The following TMC2 variants were observed in gnomAD, a reference collection of about 807,000 sequenced individuals.
The protein encoded by TMC2 is transmembrane channel-like protein 2.
In TMC2, 102 loss-of-function variants were observed where a neutral mutation model predicts 105.9. That is an observed-to-expected ratio of 0.96 (90% CI 0.82 to 1.14). TMC2 has a LOEUF of 1.14. Ranked by LOEUF, TMC2 falls within the 50% of genes most tolerant of loss-of-function variation. The pLI is 0.00. For missense variants in TMC2, 1,093 were observed against 1,134.3 expected, an observed-to-expected ratio of 0.96 and a Z score of 0.52; for synonymous variants, 402 against 422.8, an observed-to-expected ratio of 0.95 and a Z score of 0.60.
chr20:2,573,257 C>T (rs970619878), intron 5 of TMC2, among the ~76,000 whole-genome samples: 1 of 152,038 alleles, frequency 6.6e-6, no homozygotes, highest in Admixed American at 6.5e-5. Flanking sequence ...TCTTTTAATC[C>T]TGTATTTAAT....
intron 7 of TMC2, among the ~76,000 whole-genome samples, chr20:2,588,892 T>G (rs906133558): frequency 6.6e-6 from 1 of 152,228 alleles, no homozygotes; most frequent in African/African-American, 2.4e-5. Flanking sequence ...ATTGAGCTTT[T>G]AATTTCGATG....
intron 5 of TMC2, among the ~76,000 whole-genome samples, chr20:2,573,615 C>A (rs1158598722): frequency 5.1e-5 from 7 of 137,346 alleles, no homozygotes; most frequent in Admixed American, 1.6e-4. Context: ...AGCTGGAATG[C>A]GGTGGCGCGA....
intron 18 of TMC2, among the ~76,000 whole-genome samples, chr20:2,636,490 A>ACACACC (rs1555778112): frequency 6.6e-6 from 1 of 151,076 alleles, no homozygotes; most frequent in Admixed American, 6.6e-5. Context: ...ACACACACAC[A>ACACACC]CACGCACACA....
chr20:2,549,872 G>A (rs964285897), intron 2 of TMC2, among the ~76,000 whole-genome samples: 1 of 152,016 alleles, frequency 6.6e-6, no homozygotes, highest in African/African-American at 2.4e-5. Flanking sequence ...TAGGATTGGA[G>A]AAAAATTTTG....
At chr20:2,613,171 C>A (rs1286136375) in intron 13 of TMC2, 23 bp from the exon 14 acceptor site, 1 of 1,605,606 alleles carries the variant, frequency 6.2e-7, no homozygotes, top group Admixed American at 1.7e-5. Flanking sequence ...CCAACCACCC[C>A]CTCTTCCTGT....
chr20:2,576,900 G>GTTTTTTTTTT (rs796520290), intron 5 of TMC2, among the ~76,000 whole-genome samples: 1 of 118,682 alleles, frequency 8.4e-6, no homozygotes, highest in African/African-American at 3.7e-5. Flanking sequence ...TTTCTTCTTG[G>GTTTTTTTTTT]TTTTTTTTTT....
intron 8 of TMC2, among the ~76,000 whole-genome samples, chr20:2,594,109 G>GTGCTGCCCACAGCAAGTCAT (rs2146212293): frequency 6.6e-6 from 1 of 152,156 alleles, no homozygotes; most frequent in Non-Finnish European, 1.5e-5. Context: ...CATGGCTGTA[G>GTGCTGCCCACAGCAAGTCAT]TGCTGCCCAC....
At chr20:2,575,958 T>A (rs1363324844) in intron 5 of TMC2, among the ~76,000 whole-genome samples, 1 of 152,228 alleles carries the variant, frequency 6.6e-6, no homozygotes, top group South Asian at 2.1e-4. Flanking sequence ...TTAGAAGCCA[T>A]ATTTATTGCA....
At chr20:2,538,797 A>G (rs1407140702) in intron 2 of TMC2, among the ~76,000 whole-genome samples, 1 of 152,180 alleles carries the variant, frequency 6.6e-6, no homozygotes, top group Non-Finnish European at 1.5e-5. Context: ...AGTAAAGTTA[A>G]ACATTGGGAA....
intron 2 of TMC2, among the ~76,000 whole-genome samples, chr20:2,540,384 G>A (rs2085881584): frequency 6.6e-6 from 1 of 151,982 alleles, no homozygotes; most frequent in Middle Eastern, 3.2e-3. Context: ...GACATGGCCG[G>A]GCACAGTGGC....
At chr20:2,606,913 A>G (rs1175565520) in intron 11 of TMC2, among the ~76,000 whole-genome samples, 2 of 58,670 alleles carry the variant, frequency 3.4e-5, no homozygotes, top group African/African-American at 9.6e-5. Context: ...TTTTTTTTGC[A>G]GTATTCTGTC....
In TMC2 at chr20:2,595,040, A is replaced by G. The variant is rs1047995070; in HGVS notation, c.1076+73A>G. On this transcript the variant is annotated intron_variant, in intron 9 of 19. Transcript: ENST00000358864. ...TCACTCCCCTGGCCACTCTATGCCT[A>G]CCTCCCTTCTGGTGGGGCATTCAGA... The G allele has an allele frequency of 2.9e-5, 44 of 1,516,254 alleles. No individual in the cohort carries two copies. The African/African-American group carries it at 5.2e-4, about 18-fold the overall frequency. 93.9% of individuals were successfully genotyped at this position (1,516,254 alleles called of 1,614,324 possible).
chr20:2,604,660 C>A (rs1311151490), intron 11 of TMC2, among the ~76,000 whole-genome samples: 2 of 152,090 alleles, frequency 1.3e-5, no homozygotes, highest in Admixed American at 1.3e-4. Flanking sequence ...CCAGGGGAAC[C>A]AGCCAGTGAT....
At chr20:2,564,939 G>A (rs918098577) in intron 4 of TMC2, among the ~76,000 whole-genome samples, 1 of 152,116 alleles carries the variant, frequency 6.6e-6, no homozygotes, top group East Asian at 1.9e-4. Context: ...GTCTCCACCC[G>A]AGCTGGTGCC....
intron 2 of TMC2, among the ~76,000 whole-genome samples, chr20:2,539,990 C>CTTTTTTTTTTTTTTTTT (rs57860432): frequency 6.9e-5 from 8 of 115,116 alleles, no homozygotes; most frequent in South Asian, 2.9e-4. Flanking sequence ...CTTTTCTTTT[C>CTTTTTTTTTTTTTTTTT]TTTTTTTTTT....
intron 2 of TMC2, among the ~76,000 whole-genome samples, chr20:2,549,517 C>A (rs555642567): frequency 1.3e-5 from 2 of 152,066 alleles, no homozygotes; most frequent in Non-Finnish European, 2.9e-5. Context: ...CCAAGGCGGG[C>A]GGATCACTTG....
At chr20:2,634,272 T>G (rs1194386207) in intron 17 of TMC2, among the ~76,000 whole-genome samples, 2 of 152,186 alleles carry the variant, frequency 1.3e-5, no homozygotes, top group Non-Finnish European at 2.9e-5. Flanking sequence ...GCGCCTCTCC[T>G]TCAGCACCCT....
rs2086053901 is a variant in TMC2, at chr20:2,564,981, T to A, written c.554+2971T>A. Among the ~76,000 whole-genome samples, 8 of 152,266 alleles carry A rather than the reference T, an allele frequency of 5.3e-5. No homozygotes were observed. In the South Asian group the frequency reaches 1.7e-3, roughly 32 times the overall value. ...TAGAAGATCTGTGCTTTCTGCCACCTCTCCTTGCTAACTCCTACACACCTT... is the reference window on the plus strand; with the variant it reads ...TAGAAGATCTGTGCTTTCTGCCACCACTCCTTGCTAACTCCTACACACCTT... On this transcript the variant is annotated intron_variant, in intron 4 of 19. Coordinates refer to ENST00000358864, the MANE Select transcript of TMC2 (RefSeq NM_080751.3).
intron 17 of TMC2, among the ~76,000 whole-genome samples, chr20:2,627,995 C>T (rs1402134835): frequency 6.6e-6 from 1 of 152,012 alleles, no homozygotes; most frequent in Non-Finnish European, 1.5e-5. Context: ...TGGTGAAACC[C>T]CATGTCTACT....
Sources: allele counts gnomAD v4.1 joint callset (sites outside exome capture counted in the v4.1 genomes callset), GRCh38; gene constraint gnomAD v4.1.1; transcripts MANE v1.5; gene names NCBI Gene and HGNC (gene_info 2026-07-23, HGNC 2026-07-21).